The following NRL variants were observed in gnomAD, a reference collection of about 807,000 sequenced individuals.
NRL encodes neural retina leucine zipper.
Under a neutral mutation model 12.5 loss-of-function variants are expected in NRL, and 16 were observed. That is an observed-to-expected ratio of 1.28 (90% confidence interval 0.87 to 1.95). NRL has a LOEUF of 1.95. NRL is among the 30% of genes most tolerant of loss of function. The pLI is 0.00. For missense variants in NRL, 314 were observed against 325.8 expected, an observed-to-expected ratio of 0.96 and a Z score of 0.28; for synonymous variants, 142 against 150.9, an observed-to-expected ratio of 0.94 and a Z score of 0.43.
At chr14:24,098,221 C>A (rs1174741317) in intron 1 of NRL, 3 of 1,612,096 alleles carry the variant, frequency 1.9e-6, no homozygotes, top group African/African-American at 2.7e-5. Context: ...CCCGCACAGA[C>A]CCCAAGGATG....
chr14:24,099,548 C>T, intron 1 of NRL: 1 of 1,576,710 alleles, frequency 6.3e-7, no homozygotes, highest in Non-Finnish European at 8.6e-7. Flanking sequence ...CCTCTCTCCC[C>T]AATGCACAGA....
intron 1 of NRL, among the ~76,000 whole-genome samples, chr14:24,089,613 T>C (rs1015027076): frequency 2.0e-5 from 3 of 152,220 alleles, no homozygotes; most frequent in Non-Finnish European, 2.9e-5. Flanking sequence ...GTCCTACATA[T>C]GTTAGAGATG....
At position 24,094,360 on chromosome 14, in the gene NRL, G is replaced by T. The variant is rs748279847; in HGVS notation, c.-27-11485C>A. 2.0e-5 allele frequency: 31 copies of T among 1,516,284 alleles called. No individual in the cohort carries two copies. In the Middle Eastern group the frequency reaches 1.3e-3, roughly 62 times the overall value. 93.9% of individuals were successfully genotyped at this position (1,516,284 alleles called of 1,614,324 possible). A position where few individuals can be genotyped will look rare whatever the true frequency, so the allele number is the denominator to read the frequency against. ...CCTTCCCCGCCTTCCATACCTCCCCGGCTCCGCTCGGTTCCTGGCCACCCC... is the reference window on the plus strand; with the variant it reads ...CCTTCCCCGCCTTCCATACCTCCCCTGCTCCGCTCGGTTCCTGGCCACCCC... On this transcript the variant is annotated intron_variant, in intron 1 of 2. Transcript: ENST00000561028. This position sits in a 1 kb window ranked among gnomAD's most constrained non-coding sequence, Gnocchi z 4.1.
chr14:24,094,850 G>C lies in NRL; in HGVS notation c.-27-11975C>G. ...AGCAGGGCCCTGGGGACAAGGGTACGTGAGCCCCGGGAGACTAAGCTCAGA... is the reference window on the plus strand; with the variant it reads ...AGCAGGGCCCTGGGGACAAGGGTACCTGAGCCCCGGGAGACTAAGCTCAGA... On this transcript the variant is annotated intron_variant, in intron 1 of 2. Transcript: ENST00000561028. This position sits in a 1 kb window ranked among gnomAD's most constrained non-coding sequence, Gnocchi z 4.1. 7.6e-7 allele frequency: 1 copy of C among 1,307,750 alleles called. No individual in the cohort carries two copies. The highest frequency in any genetic ancestry group is 1.5e-5 in the African/African-American group (1 of 66,700). The allele number at this position is 1,307,750 out of a possible 1,614,324, so 81.0% of individuals were successfully genotyped here.
At position 24,078,907 on chromosome 14, in the gene NRL, C is replaced by T. The variant is rs1295637647; in HGVS notation, c.*2329G>A. 1.3e-5 allele frequency among the ~76,000 whole-genome samples: 2 copies of T among 152,172 alleles called. No individual in the cohort carries two copies. The highest frequency in any genetic ancestry group is 4.8e-5 in the African/African-American group (2 of 41,428). Reference sequence around the variant, plus strand: ...CCCCGAACTCCTGGGCTCAAGTTATCCTTCCACCTTAGCCTCCTGGGTAGG... The same window carrying T: ...CCCCGAACTCCTGGGCTCAAGTTATTCTTCCACCTTAGCCTCCTGGGTAGG... On this transcript the variant is annotated 3_prime_UTR_variant, in exon 3 of 3. Coordinates refer to ENST00000561028, the MANE Select transcript of NRL (RefSeq NM_001354768.3).
At chr14:24,082,976 G>A in intron 1 of NRL, 101 bp from the exon 2 acceptor site, 1 of 1,163,504 alleles carries the variant, frequency 8.6e-7, no homozygotes, top group Non-Finnish European at 1.2e-6. Context: ...TGGAGCAAGA[G>A]TTTGGGAAAG....
intron 1 of NRL, among the ~76,000 whole-genome samples, chr14:24,104,792 C>G (rs1323312703): frequency 6.6e-6 from 1 of 152,140 alleles, no homozygotes; most frequent in Non-Finnish European, 1.5e-5. Context: ...GCTTCATTGT[C>G]AGTTCTCGAA....
chr14:24,089,846 G>A (rs1447817113), intron 1 of NRL, among the ~76,000 whole-genome samples: 2 of 152,100 alleles, frequency 1.3e-5, no homozygotes, highest in East Asian at 1.9e-4. Context: ...AATTCCAGGC[G>A]GCAGAAACAA....
Position 24,079,272 on chromosome 14 carries a change from A to G in NRL, c.*1964T>C, listed in dbSNP as rs138673778. 2.5e-3 allele frequency among the ~76,000 whole-genome samples: 374 copies of G among 152,236 alleles called. 4 individuals carry two copies. Among genetic ancestry groups the G allele is most frequent in the African/African-American group, 8.6e-3 (357 of 41,532 alleles). On this transcript the variant is annotated 3_prime_UTR_variant, in exon 3 of 3. Transcript: ENST00000561028. ...TGCAGGTGAGAAAAGTGAACAAGAA[A>G]AGTAGTGGGTCTGAATTACAGCTCC... is the stretch of plus-strand genomic sequence containing the variant.
intron 1 of NRL, chr14:24,100,287 A>G (rs1459363546): frequency 1.3e-5 from 21 of 1,571,012 alleles, no homozygotes; most frequent in Non-Finnish European, 1.8e-5. Context: ...TTTCTCCACA[A>G]CCTCCAACCA....
At chr14:24,090,967 G>A (rs2036610870) in intron 1 of NRL, among the ~76,000 whole-genome samples, 1 of 152,110 alleles carries the variant, frequency 6.6e-6, no homozygotes, top group South Asian at 2.1e-4. Context: ...GGAACTAGGA[G>A]AAAAACAAGA....
At chr14:24,102,651 CAAAAA>C in intron 1 of NRL, 3 of 881,904 alleles carry the variant, frequency 3.4e-6, no homozygotes, top group Non-Finnish European at 5.1e-6. Context: ...GCTGATGAGG[CAAAAA>C]AAAAAAAAGA....
rs757038765 is a variant in NRL, at chr14:24,082,484, C to T, written c.365G>A (p.Gly122Glu). 5 of 1,612,778 alleles carry T rather than the reference C, an allele frequency of 3.1e-6. No individual in the cohort carries two copies. The highest frequency in any genetic ancestry group is 4.2e-6 in the Non-Finnish European group (5 of 1,180,030). The change falls in exon 2 of 3, where the codon GGA (glycine) becomes GAA (glutamate). Residue 122 changes from glycine to glutamate, a missense_variant. Physicochemically the swap from Gly to Glu is moderately conservative, Grantham distance 98. Transcript: ENST00000561028. ...GYYPGSPEET[G>E]AQHVQLAERF... The stretch of plus-strand genomic sequence containing the variant: ...ACCACTCACCTGGACGTGCTGGGCT[C>T]CTGTCTCCTCTGGGCTCCCTGGGTA...
intron 1 of NRL, chr14:24,096,874 C>T: frequency 6.2e-7 from 1 of 1,604,214 alleles, no homozygotes; most frequent in African/African-American, 1.3e-5. Context: ...TAGCTCATTG[C>T]CTCTGTTTCT....
intron 2 of NRL, 57 bp downstream of exon 2, chr14:24,082,411 T>C (rs947644545): frequency 2.4e-5 from 38 of 1,605,986 alleles, no homozygotes; most frequent in Non-Finnish European, 3.0e-5. Context: ...CTTCCTCTCT[T>C]GGGCAGTCCT....
At chr14:24,100,283 C>A in intron 1 of NRL, 2 of 1,581,472 alleles carry the variant, frequency 1.3e-6, no homozygotes, top group Non-Finnish European at 1.7e-6. Context: ...AAGCTTTCTC[C>A]ACAACCTCCA....
Position 24,079,008 on chromosome 14 carries a change from G to T in NRL, c.*2228C>A, listed in dbSNP as rs986988672. Among the ~76,000 whole-genome samples the T allele has an allele frequency of 5.9e-5, 9 of 152,186 alleles. No homozygotes were observed. Among genetic ancestry groups the T allele is most frequent in the Admixed American group, 1.3e-4 (2 of 15,290 alleles). On this transcript the variant is annotated 3_prime_UTR_variant, in exon 3 of 3. Transcript: ENST00000561028. ...TTTGTAGTGACAGGGTTCTCGCTAT[G>T]TTGCCCAGGCTGGTCTCAAACTTCC...
intron 1 of NRL, 177 bp downstream of exon 1, chr14:24,114,545 C>T: frequency 2.8e-6 from 1 of 354,110 alleles, no homozygotes; most frequent in Non-Finnish European, 4.0e-6. Flanking sequence ...CTCTCGGTAG[C>T]GAACCACCAA....
In NRL at chr14:24,081,642, C is replaced by T. The variant is rs2036308807; in HGVS notation, c.382-74G>A. 1.9e-6 allele frequency: 3 copies of T among 1,539,416 alleles called. No individual in the cohort carries two copies. In the East Asian group the frequency reaches 7.3e-5, roughly 38 times the overall value. On this transcript the variant is annotated intron_variant, in intron 2 of 2. Transcript: ENST00000561028. The surrounding 1 kb of genome is among the most constrained non-coding windows in gnomAD (Gnocchi z 4.4). ...CTCTGCCCTGAGGGCCCGACGCTAC[C>T]TGGCTCCGCCCCGGGACAGCCCCGC...
Sources: gnomAD v4.1 joint callset for allele counts (sites outside exome capture counted in the v4.1 genomes callset) on GRCh38, gnomAD v4.1.1 for gene constraint, Gnocchi (gnomAD v3.1) non-coding constraint, MANE v1.5 for transcripts, NCBI Gene and HGNC (gene_info 2026-07-23, HGNC 2026-07-21) for gene names.